Variants in LRCH1 observed in about 807,000 individuals in gnomAD.
LRCH1 encodes the protein leucine-rich repeat and calponin homology domain-containing protein 1.
In LRCH1, 23 loss-of-function variants were observed where a neutral mutation model predicts 94.9. That is an observed-to-expected ratio of 0.24 (90% CI 0.17 to 0.34). The LOEUF (loss-of-function observed/expected upper bound fraction) is 0.34. LRCH1 is among the 10% of genes least tolerant of loss of function. The pLI is 1.00. For missense variants in LRCH1, 790 were observed against 945.9 expected (o/e 0.84, Z 2.16); for synonymous variants, 364 against 354.9 (o/e 1.03, Z -0.29).
chr13:46,697,744 A>G (rs1871270235), intron 9 of LRCH1, among the ~76,000 whole-genome samples: 2 of 152,180 alleles, frequency 1.3e-5, no homozygotes, highest in African/African-American at 4.8e-5. Flanking sequence ...CACCACGAAT[A>G]CTGGTTTTGG....
intron 3 of LRCH1, among the ~76,000 whole-genome samples, chr13:46,675,415 T>G (rs977922889): frequency 3.3e-4 from 50 of 152,354 alleles, no homozygotes; most frequent in African/African-American, 1.1e-3. Flanking sequence ...CTTCTAGCTC[T>G]TACCTTCACA....
At chr13:46,689,499 A>ATAATATTTATTATTAGCTC (rs1412555805) in intron 7 of LRCH1, among the ~76,000 whole-genome samples, 2 of 152,176 alleles carry the variant, frequency 1.3e-5, no homozygotes, top group African/African-American at 4.8e-5. Flanking sequence ...AATATTACAA[A>ATAATATTTATTATTAGCTC]ATGGCTAAGT....
At chr13:46,554,008 C>T (rs1566138869) in intron 1 of LRCH1, among the ~76,000 whole-genome samples, 1 of 152,226 alleles carries the variant, frequency 6.6e-6, no homozygotes, top group Non-Finnish European at 1.5e-5. Context: ...GAAGTAACCG[C>T]GGGGCTGGGA....
rs765705205 is a variant in LRCH1, at chr13:46,712,582, C to T, written c.1639C>T (p.Leu547=). 2 of 1,613,880 alleles carry T rather than the reference C, an allele frequency of 1.2e-6. No homozygotes were observed. The highest frequency in any genetic ancestry group is 8.5e-7 in the Non-Finnish European group (1 of 1,179,784). Residue 547 remains leucine, a synonymous_variant, in exon 15 of 20, where the codon CTG becomes TTG. Transcript: ENST00000389797. ...CACAAACAGCACAGCTCCATTTGGC[C>T]TGAAGCCTCGATCAGGTAAATGAAA... ...PTTNSTAPFG[L]KPRSDPALIL...
chr13:46,611,282 A>T (rs2050744557), intron 1 of LRCH1, among the ~76,000 whole-genome samples: 1 of 152,180 alleles, frequency 6.6e-6, no homozygotes, highest in African/African-American at 2.4e-5. Flanking sequence ...TGGAATGAAC[A>T]TTATTTGGGC....
chr13:46,666,507 A>G (rs767765709), intron 2 of LRCH1, among the ~76,000 whole-genome samples: 15 of 152,256 alleles, frequency 9.9e-5, no homozygotes, highest in Admixed American at 9.8e-4. Context: ...TTTCCAGGCA[A>G]AGAAATGTAG....
chr13:46,717,196 G>T (rs955553461), intron 16 of LRCH1, among the ~76,000 whole-genome samples: 1 of 152,138 alleles, frequency 6.6e-6, no homozygotes, highest in Admixed American at 6.5e-5. Context: ...AGGTGAAGCT[G>T]CACCAGGGTT....
chr13:46,707,241 T>A (rs1377962805), intron 13 of LRCH1, among the ~76,000 whole-genome samples: 4 of 152,200 alleles, frequency 2.6e-5, no homozygotes, highest in African/African-American at 7.2e-5. Flanking sequence ...CTTGAAATTT[T>A]GAGGAACACA....
chr13:46,659,690 G>C (rs555759961), intron 2 of LRCH1, among the ~76,000 whole-genome samples: 6 of 152,206 alleles, frequency 3.9e-5, no homozygotes, highest in Non-Finnish European at 7.3e-5. Context: ...GGGTGGCTGT[G>C]GGGGGTGGGC....
chr13:46,657,489 TCTTTTCTTTTC>T, intron 2 of LRCH1, among the ~76,000 whole-genome samples: 1 of 114,018 alleles, frequency 8.8e-6, no homozygotes. Flanking sequence ...TTTTACTTTT[TCTTTTCTTTTC>T]TTTTTTTTTT....
At chr13:46,595,955 A>G (rs1014712532) in intron 1 of LRCH1, among the ~76,000 whole-genome samples, 2 of 151,960 alleles carry the variant, frequency 1.3e-5, no homozygotes, top group Non-Finnish European at 2.9e-5. Context: ...TTTAAAATTA[A>G]ACACATCGGT....
chr13:46,720,208 G>A lies in LRCH1; in HGVS notation c.1760-3013G>A, dbSNP rs112326038. Among the ~76,000 whole-genome samples, 1,229 of 152,082 alleles carry A rather than the reference G, an allele frequency of 8.1e-3. 8 individuals carry two copies. Among genetic ancestry groups the A allele is most frequent in the Non-Finnish European group, 0.012 (798 of 68,002 alleles). ...TCCAGACCAGCCTGGGCAATATGGC[G>A]AAACCCCACCTCTACTAAAAATATA... On this transcript the variant is annotated intron_variant, in intron 16 of 19. Coordinates refer to ENST00000389797, the MANE Select transcript of LRCH1 (RefSeq NM_001164211.2).
intron 1 of LRCH1, among the ~76,000 whole-genome samples, chr13:46,583,890 A>G (rs2137947076): frequency 6.6e-6 from 1 of 152,002 alleles, no homozygotes; most frequent in African/African-American, 2.4e-5. Flanking sequence ...CCTCCCAAGT[A>G]GCTGGGATTA....
At chr13:46,555,623 C>T (rs1310848088) in intron 1 of LRCH1, among the ~76,000 whole-genome samples, 1 of 152,160 alleles carries the variant, frequency 6.6e-6, no homozygotes, top group Non-Finnish European at 1.5e-5. Flanking sequence ...GTTTTATGCT[C>T]AGGAAAATCT....
chr13:46,556,295 G>A (rs1441692545), intron 1 of LRCH1, among the ~76,000 whole-genome samples: 3 of 152,194 alleles, frequency 2.0e-5, no homozygotes, highest in African/African-American at 7.2e-5. Context: ...TCTGAACAGA[G>A]TGGAAAACCA....
chr13:46,674,933 C>A (rs915125422), intron 3 of LRCH1, among the ~76,000 whole-genome samples: 1 of 152,098 alleles, frequency 6.6e-6, no homozygotes, highest in African/African-American at 2.4e-5. Flanking sequence ...TGATTTTTCT[C>A]CTTGGAGTTC....
At position 46,743,960 on chromosome 13, in the gene LRCH1, C is replaced by T. The variant is rs978055034; in HGVS notation, c.*2112C>T. 2.4e-5 allele frequency: 24 copies of T among 985,226 alleles called. No individual in the cohort carries two copies. Among genetic ancestry groups the T allele is most frequent in the East Asian group, 1.1e-4 (1 of 8,826 alleles). 61.0% of individuals were successfully genotyped at this position (985,226 alleles called of 1,614,324 possible). On this transcript the variant is annotated 3_prime_UTR_variant, in exon 20 of 20. Coordinates refer to ENST00000389797, the MANE Select transcript of LRCH1 (RefSeq NM_001164211.2). ...TCATTAATTTGTCTGTACTCTGCTG[C>T]GCTGCACTTCTTGGGATTTATTGGA...
intron 1 of LRCH1, among the ~76,000 whole-genome samples, chr13:46,618,666 A>G (rs1438211524): frequency 3.9e-5 from 6 of 152,252 alleles, no homozygotes; most frequent in East Asian, 3.8e-4. Context: ...AAGGCTCTCA[A>G]TGGGCATTTC....
intron 1 of LRCH1, among the ~76,000 whole-genome samples, chr13:46,576,789 A>G (rs558776822): frequency 1.1e-3 from 163 of 152,304 alleles, no homozygotes; most frequent in Middle Eastern, 6.8e-3. Flanking sequence ...TTCGTTTTTC[A>G]TTACTTCATA....
Sources: gnomAD v4.1 joint callset for allele counts (sites outside exome capture counted in the v4.1 genomes callset) on GRCh38, gnomAD v4.1.1 for gene constraint, MANE v1.5 for transcripts, NCBI Gene and HGNC (gene_info 2026-07-23, HGNC 2026-07-21) for gene names.